The following PDXDC1 variants were observed in gnomAD, a reference collection of about 807,000 sequenced individuals.
PDXDC1 encodes pyridoxal dependent decarboxylase domain containing 1.
Under a neutral mutation model 100.1 loss-of-function variants are expected in PDXDC1, and 42 were observed. That is an observed-to-expected ratio of 0.42 (90% CI 0.33 to 0.54). The LOEUF (loss-of-function observed/expected upper bound fraction) is 0.54, where lower values mean the gene tolerates loss of function less well. PDXDC1 is among the 20% of genes least tolerant of loss of function. The probability of loss-of-function intolerance (pLI) is 0.10; values close to 1 mark genes in which losing one functional copy is unlikely to be tolerated. For missense variants in PDXDC1, 636 were observed against 979.2 expected (o/e 0.65, Z 4.68); for synonymous variants, 260 against 371.7 (o/e 0.70, Z 3.46).
chr16:15,039,970 G>C (rs777400530), downstream of PDXDC1: 10 of 1,560,294 alleles, frequency 6.4e-6, no homozygotes, highest in Non-Finnish European at 8.8e-6. Context: ...GAAACTCACT[G>C]GTCCTCCTGC....
At position 15,078,834 on chromosome 16, in the gene PDXDC1, C is replaced by G. The variant is rs1448158088; in HGVS notation, c.1399+48778C>G. On this transcript the variant is annotated intron_variant, in intron 16 of 16. Coordinates refer to the PDXDC1 transcript ENST00000535621. ...TTTCTTTTTTTTTTTTTTTTTGAGA[C>G]AGAGTCTTGCTCTGTCACCCAGGCT... Among the ~76,000 whole-genome samples the G allele has an allele frequency of 4.4e-5, 6 of 135,832 alleles. No homozygotes were observed. The Admixed American group carries it at 4.8e-4, about 11-fold the overall frequency. 89.1% of individuals were successfully genotyped at this position (135,832 alleles called of 152,430 possible). A position where few individuals can be genotyped will look rare whatever the true frequency, so the allele number is the denominator to read the frequency against.
intron 16 of PDXDC1, chr16:15,128,021 C>A (rs770079637): frequency 1.9e-6 from 3 of 1,599,616 alleles, no homozygotes; most frequent in African/African-American, 1.3e-5. Flanking sequence ...CTCCACCAGG[C>A]CCCCGTTGGC....
At chr16:14,985,574 C>T (rs868221031) in intron 1 of PDXDC1, among the ~76,000 whole-genome samples, 17 of 152,368 alleles carry the variant, frequency 1.1e-4, no homozygotes, top group South Asian at 4.1e-4. Flanking sequence ...TGTGAGCCAC[C>T]GCGCCTGGCC....
chr16:15,143,278 C>T (rs554402147), downstream of PDXDC1, among the ~76,000 whole-genome samples: 5 of 152,224 alleles, frequency 3.3e-5, 1 homozygote, highest in South Asian at 1.0e-3. Context: ...GGGTCTTCAC[C>T]CCTTCCCAGC....
chr16:15,066,264 G>A (rs190186272), intron 16 of PDXDC1, among the ~76,000 whole-genome samples: 102 of 152,270 alleles, frequency 6.7e-4, no homozygotes, highest in Admixed American at 2.3e-3. Context: ...CTACAACCCC[G>A]CAGCTGACCG....
chr16:15,005,863 C>A (rs1974142379), intron 5 of PDXDC1, among the ~76,000 whole-genome samples: 2 of 152,284 alleles, frequency 1.3e-5, no homozygotes, highest in Admixed American at 1.3e-4. Flanking sequence ...CCACACCTCG[C>A]AATTAGTAGA....
downstream of PDXDC1, among the ~76,000 whole-genome samples, chr16:15,042,369 AG>A (rs1173116797): frequency 6.6e-6 from 1 of 151,472 alleles, no homozygotes; most frequent in African/African-American, 2.4e-5. Flanking sequence ...TATTTTCAGT[AG>A]AGACAGATGG....
intron 16 of PDXDC1, chr16:15,061,918 C>A: frequency 6.2e-7 from 1 of 1,601,644 alleles, no homozygotes; most frequent in Admixed American, 1.7e-5. Flanking sequence ...GCAGAAACAT[C>A]AGAAATCATC....
At chr16:15,091,211 A>G in intron 16 of PDXDC1, 2 of 1,425,920 alleles carry the variant, frequency 1.4e-6, no homozygotes, top group Non-Finnish European at 1.9e-6. Flanking sequence ...AGGGAGGACC[A>G]TGGAGAGAGC....
chr16:15,143,820 C>T (rs1032300867), downstream of PDXDC1, among the ~76,000 whole-genome samples: 3 of 152,228 alleles, frequency 2.0e-5, no homozygotes, highest in Non-Finnish European at 2.9e-5. Context: ...GTGCCCCAGG[C>T]GCCCATTTCC....
chr16:15,123,525 T>C (rs1289370609), intron 16 of PDXDC1: 8 of 622,210 alleles, frequency 1.3e-5, no homozygotes, highest in Non-Finnish European at 2.3e-5. Flanking sequence ...GTCCCGATAG[T>C]AAACCATCTC....
chr16:15,082,182 G>A (rs967364764), intron 16 of PDXDC1, among the ~76,000 whole-genome samples: 1 of 152,056 alleles, frequency 6.6e-6, no homozygotes, highest in African/African-American at 2.4e-5. Flanking sequence ...AAAAACTTTT[G>A]GTCTTTCACC....
downstream of PDXDC1, among the ~76,000 whole-genome samples, chr16:15,139,856 G>A (rs1040691915): frequency 3.3e-5 from 5 of 152,030 alleles, no homozygotes; most frequent in African/African-American, 1.2e-4. Context: ...CCAGAACTTT[G>A]GGAGGCCAAG....
At chr16:15,131,727 C>G (rs553016779) in intron 16 of PDXDC1, 64 of 1,349,386 alleles carry the variant, frequency 4.7e-5, no homozygotes, top group Non-Finnish European at 5.9e-5. Flanking sequence ...GACGTGAGGT[C>G]AGTGCAGAGA....
intron 16 of PDXDC1, chr16:15,092,571 G>A (rs770804997): frequency 6.2e-7 from 1 of 1,613,496 alleles, no homozygotes; most frequent in South Asian, 1.1e-5. Flanking sequence ...TTTCTTGGGG[G>A]AGAATTGAAA....
downstream of PDXDC1, among the ~76,000 whole-genome samples, chr16:15,042,763 C>T (rs1008643649): frequency 1.7e-5 from 2 of 120,850 alleles, no homozygotes; most frequent in East Asian, 2.6e-4. Context: ...GACGAAGTCT[C>T]GCTCTGTCAC....
chr16:15,056,010 G>C lies in PDXDC1; in HGVS notation c.1399+25954G>C, dbSNP rs1161380639. The C allele has an allele frequency of 6.3e-6, 7 of 1,119,006 alleles. No homozygotes were observed. The African/African-American group carries it at 9.8e-5, about 16-fold the overall frequency. 69.3% of individuals were successfully genotyped at this position (1,119,006 alleles called of 1,614,324 possible). On this transcript the variant is annotated intron_variant, in intron 16 of 16. Coordinates refer to the PDXDC1 transcript ENST00000535621. Reference sequence around the variant, plus strand: ...GCCCAGGCAGGCCCAGGGAGGCGGCGGCCCCCCGCTTTGCAGCCCCGGGCC... The same window carrying C: ...GCCCAGGCAGGCCCAGGGAGGCGGCCGCCCCCCGCTTTGCAGCCCCGGGCC...
In PDXDC1 at chr16:15,130,452, G is replaced by A. The variant is rs968869910; in HGVS notation, c.1400-8427G>A. ...ACGGTAACTCCCCACTGGGTCTCTG[G>A]TCCTGGGCAGGGAAGGGGCAGTGGA... On this transcript the variant is annotated intron_variant, in intron 16 of 16. Transcript: ENST00000535621. 4.8e-6 allele frequency: 7 copies of A among 1,459,004 alleles called. No homozygotes were observed. The East Asian group carries it at 1.6e-4, about 33-fold the overall frequency. 90.4% of individuals were successfully genotyped at this position (1,459,004 alleles called of 1,614,324 possible). A position where few individuals can be genotyped will look rare whatever the true frequency, so the allele number is the denominator to read the frequency against.
intron 12 of PDXDC1, 151 bp downstream of exon 12, chr16:15,019,116 C>G (rs895964671): frequency 9.4e-7 from 1 of 1,059,418 alleles, no homozygotes; most frequent in African/African-American, 1.6e-5. Context: ...GTAAATATTT[C>G]TTGTTCAAAG....
Sources: gnomAD v4.1 joint callset for allele counts (sites outside exome capture counted in the v4.1 genomes callset) on GRCh38, gnomAD v4.1.1 for gene constraint, MANE v1.5 for transcripts, NCBI Gene and HGNC (gene_info 2026-07-23, HGNC 2026-07-21) for gene names.